The following ABCD3 variants were observed in gnomAD, a reference collection of about 807,000 sequenced individuals.
ABCD3 encodes ATP binding cassette subfamily D member 3.
Under a neutral mutation model 105.5 loss-of-function variants are expected in ABCD3, and 41 were observed. That is an observed-to-expected ratio of 0.39 (90% CI 0.30 to 0.50). The LOEUF is 0.50. Ranked by LOEUF, ABCD3 falls within the 20% of genes least tolerant of loss-of-function variation. ABCD3 has a pLI of 0.84. For synonymous variants in ABCD3, 258 were observed against 269.0 expected, an observed-to-expected ratio of 0.96 and a Z score of 0.40; for missense variants, 622 against 806.3, an observed-to-expected ratio of 0.77 and a Z score of 2.77.
chr1:94,409,944 C>G, the ABCD3 span, among the ~76,000 whole-genome samples: 2 of 152,188 alleles, frequency 1.3e-5, no homozygotes, highest in African/African-American at 4.8e-5. Flanking sequence ...AATTAATAAC[C>G]AGTCAAACTA....
intron 1 of ABCD3, among the ~76,000 whole-genome samples, chr1:94,429,193 A>G (rs987540607): frequency 6.6e-6 from 1 of 152,232 alleles, no homozygotes; most frequent in Non-Finnish European, 1.5e-5. Flanking sequence ...GTTTGGCGGA[A>G]GAAATTTCTA....
Position 94,428,161 on chromosome 1 carries a change from A to G in ABCD3, c.110+9573A>G, listed in dbSNP as rs1176515023. On this transcript the variant is annotated intron_variant, in intron 1 of 22. Transcript: ENST00000370214. Reference sequence around the variant, plus strand: ...AACACACCTTTCTTATCAGTTTGCTAGATTAGCAGGCCCGAGTGAATGCAG... The same window carrying G: ...AACACACCTTTCTTATCAGTTTGCTGGATTAGCAGGCCCGAGTGAATGCAG... 3.3e-5 allele frequency among the ~76,000 whole-genome samples: 5 copies of G among 151,622 alleles called. No homozygotes were observed. In the East Asian group the frequency reaches 9.7e-4, roughly 29 times the overall value.
chr1:94,430,886 A>G (rs926819207), intron 1 of ABCD3, among the ~76,000 whole-genome samples: 9 of 152,210 alleles, frequency 5.9e-5, no homozygotes, highest in Non-Finnish European at 1.2e-4. Context: ...AATATACACC[A>G]TGGAAATTTG....
the ABCD3 span, among the ~76,000 whole-genome samples, chr1:94,392,281 C>T: frequency 1.1e-4 from 17 of 152,314 alleles, no homozygotes; most frequent in Non-Finnish European, 2.4e-4. Context: ...GCACAGTCTG[C>T]CATGGATTTC....
In ABCD3 at chr1:94,509,554, G is replaced by A. The variant is rs375943265; in HGVS notation, c.1845+2912G>A. 3.3e-4 allele frequency among the ~76,000 whole-genome samples: 51 copies of A among 152,302 alleles called. 1 individual carries two copies. The South Asian group carries it at 8.5e-3, about 25-fold the overall frequency. On this transcript the variant is annotated intron_variant, in intron 21 of 22. Transcript: ENST00000370214. ...TTTTCTATTGACTGGAATAGTTTCC[G>A]AAGGAATGGTACCAGTTCCTCCTTG...
chr1:94,493,674 C>G (rs1413453053), intron 16 of ABCD3, among the ~76,000 whole-genome samples: 1 of 151,954 alleles, frequency 6.6e-6, no homozygotes, highest in African/African-American at 2.4e-5. Context: ...TTCACAATAG[C>G]AAAGACTTGG....
intron 6 of ABCD3, 115 bp from the exon 7 acceptor site, chr1:94,475,499 T>C: frequency 8.8e-7 from 1 of 1,137,234 alleles, no homozygotes; most frequent in Non-Finnish European, 1.3e-6. Flanking sequence ...CTCTTCTGGC[T>C]CCAAACTTTT....
intron 20 of ABCD3, among the ~76,000 whole-genome samples, chr1:94,499,948 A>G (rs371508693): frequency 6.6e-5 from 10 of 152,236 alleles, no homozygotes; most frequent in Admixed American, 3.3e-4. Flanking sequence ...ATTTCTTCTC[A>G]TGTCTCTTCC....
intron 1 of ABCD3, among the ~76,000 whole-genome samples, chr1:94,422,510 A>AG (rs1003097261): frequency 6.6e-6 from 1 of 152,206 alleles, no homozygotes; most frequent in African/African-American, 2.4e-5. Context: ...CTACTGCTCT[A>AG]GGTATCCCCT....
chr1:94,406,537 G>T, the ABCD3 span: 1 of 369,254 alleles, frequency 2.7e-6, no homozygotes, highest in South Asian at 2.3e-5. Context: ...TTCTTTTTCT[G>T]ATCATTTTCC....
the ABCD3 span, among the ~76,000 whole-genome samples, chr1:94,404,624 C>A: frequency 1.3e-5 from 2 of 151,926 alleles, no homozygotes; most frequent in East Asian, 3.9e-4. Context: ...AAGTGTTACT[C>A]TTTTACATCC....
intron 1 of ABCD3, among the ~76,000 whole-genome samples, chr1:94,421,632 T>C (rs1390085664): frequency 6.6e-6 from 1 of 151,796 alleles, no homozygotes; most frequent in African/African-American, 2.4e-5. Context: ...GGAGCTTACC[T>C]TCTTGTTAGG....
chr1:94,510,173 G>T (rs1650591566), intron 21 of ABCD3, among the ~76,000 whole-genome samples: 1 of 152,102 alleles, frequency 6.6e-6, no homozygotes, highest in Admixed American at 6.6e-5. Flanking sequence ...GCGTCCCAGA[G>T]ATTCTGGTAT....
chr1:94,472,571 A>G (rs1210012966), intron 4 of ABCD3, among the ~76,000 whole-genome samples: 1 of 151,936 alleles, frequency 6.6e-6, no homozygotes, highest in Non-Finnish European at 1.5e-5. Flanking sequence ...AATCTTGGCT[A>G]TGATAGAGGA....
At chr1:94,444,560 A>T (rs751043283) in intron 1 of ABCD3, among the ~76,000 whole-genome samples, 1 of 152,188 alleles carries the variant, frequency 6.6e-6, no homozygotes, top group Non-Finnish European at 1.5e-5. Context: ...CTTTGTGAAC[A>T]CTGCTTTAGT....
chr1:94,455,904 G>T lies in ABCD3; in HGVS notation c.111-2703G>T. ...GTATCAATTTATAACATTTATTAGT[G>T]GTAAGCAGTGTGGCATTTTTATTGA... On this transcript the variant is annotated intron_variant, in intron 1 of 22. Coordinates refer to ENST00000370214, the MANE Select transcript of ABCD3 (RefSeq NM_002858.4). 5 of 1,113,530 alleles carry T rather than the reference G, an allele frequency of 4.5e-6. No individual in the cohort carries two copies. The South Asian group carries it at 7.0e-5, about 15-fold the overall frequency. The allele number at this position is 1,113,530 out of a possible 1,614,324, so 69.0% of individuals were successfully genotyped here. A position where few individuals can be genotyped will look rare whatever the true frequency, so the allele number is the denominator to read the frequency against.
At chr1:94,492,208 G>A (rs1271283867) in intron 16 of ABCD3, among the ~76,000 whole-genome samples, 1 of 152,100 alleles carries the variant, frequency 6.6e-6, no homozygotes, top group Non-Finnish European at 1.5e-5. Context: ...ATGCTAATGT[G>A]CATGGCCATC....
intron 1 of ABCD3, among the ~76,000 whole-genome samples, chr1:94,421,083 A>G (rs1659242447): frequency 6.6e-6 from 1 of 151,816 alleles, no homozygotes; most frequent in African/African-American, 2.4e-5. Context: ...TGTGTTTCTG[A>G]CCTTTTATTG....
intron 1 of ABCD3, among the ~76,000 whole-genome samples, chr1:94,454,032 C>CTA (rs1279223897): frequency 1.3e-5 from 2 of 148,716 alleles, no homozygotes; most frequent in African/African-American, 2.5e-5. Flanking sequence ...TGTATGTGGT[C>CTA]TATATATATA....
Sources: allele counts gnomAD v4.1 joint callset (sites outside exome capture counted in the v4.1 genomes callset), GRCh38; gene constraint gnomAD v4.1.1; transcripts MANE v1.5; gene names NCBI Gene and HGNC (gene_info 2026-07-23, HGNC 2026-07-21).